The following HBS1L variants were observed in gnomAD, a reference collection of about 807,000 sequenced individuals.
The protein encoded by HBS1L is HBS1-like protein.
Under a neutral mutation model 88.9 loss-of-function variants are expected in HBS1L, and 55 were observed. That is an observed-to-expected ratio of 0.62 (90% confidence interval 0.50 to 0.77). HBS1L has a LOEUF of 0.77. HBS1L is among the 30% of genes least tolerant of loss of function. HBS1L has a pLI of 0.00. For synonymous variants in HBS1L, 267 were observed against 288.5 expected (o/e 0.93, Z 0.76); for missense variants, 741 against 829.3 (o/e 0.89, Z 1.31).
At chr6:134,997,039 G>A (rs1204184593) in intron 6 of HBS1L, 97 bp from the exon 7 acceptor site, 1 of 890,594 alleles carries the variant, frequency 1.1e-6, no homozygotes, top group Non-Finnish European at 1.7e-6. Context: ...CATGTCAGTG[G>A]TTTACAGTAA....
At chr6:135,017,806 A>G (rs1775963450) in intron 4 of HBS1L, among the ~76,000 whole-genome samples, 1 of 152,022 alleles carries the variant, frequency 6.6e-6, no homozygotes, top group Non-Finnish European at 1.5e-5. Context: ...TTACTCTGAC[A>G]TTGTGAAAAG....
chr6:134,997,636 C>T lies in HBS1L; in HGVS notation c.560G>A (p.Gly187Asp). ...EVPGVSSEEN[G>D]HSFHTPQKGP... ...TTTTTGAGGTGTGTGGAAACTATGA[C>T]CATTTTCTTCAGAAGATACTCTACA... The change falls in exon 6 of 18, where the codon GGT becomes GAT. Residue 187 changes from glycine to aspartate, a missense_variant. By Grantham distance (94) the Gly-to-Asp change is moderately conservative. Coordinates refer to ENST00000367837, the MANE Select transcript of HBS1L (RefSeq NM_006620.4). 6.2e-7 allele frequency: 1 copy of T among 1,613,862 alleles called. No individual in the cohort carries two copies. The highest frequency in any genetic ancestry group is 1.1e-5 in the South Asian group (1 of 91,072).
intron 6 of HBS1L, 96 bp from the exon 7 acceptor site, chr6:134,997,038 G>A: frequency 2.2e-6 from 2 of 892,326 alleles, no homozygotes; most frequent in Non-Finnish European, 3.4e-6. Context: ...TCATGTCAGT[G>A]GTTTACAGTA....
At chr6:134,979,122 T>C in intron 14 of HBS1L, 56 bp downstream of exon 14, 5 of 1,259,240 alleles carry the variant, frequency 4.0e-6, no homozygotes, top group Non-Finnish European at 5.8e-6. Flanking sequence ...TATATGTGTT[T>C]AGAGGTGAGG....
chr6:134,985,172 T>C (rs916093709), intron 12 of HBS1L, among the ~76,000 whole-genome samples, 169 bp downstream of exon 12: 4 of 152,054 alleles, frequency 2.6e-5, no homozygotes, highest in Non-Finnish European at 4.4e-5. Flanking sequence ...GGAAGCTAAG[T>C]GACTAAATCT....
At chr6:134,973,196 T>C (rs769983058) in intron 15 of HBS1L, among the ~76,000 whole-genome samples, 11 of 152,214 alleles carry the variant, frequency 7.2e-5, no homozygotes, top group Non-Finnish European at 1.3e-4. Context: ...ATAACCCAAA[T>C]GTGCATCAAC....
At position 134,993,879 on chromosome 6, in the gene HBS1L, A is replaced by T; in HGVS notation, c.966-4T>A. ...ACCAACATCCATGGTTACTCCCCTT[A>T]AACAAAACATAACATGGTTAGAATG... On this transcript the variant is annotated splice_polypyrimidine_tract_variant and splice_region_variant and intron_variant, in intron 7 of 17. Transcript: ENST00000367837. 1 of 1,417,750 alleles carries T rather than the reference A, an allele frequency of 7.1e-7. No individual in the cohort carries two copies. The highest frequency in any genetic ancestry group is 9.9e-7 in the Non-Finnish European group (1 of 1,009,160). 87.8% of individuals were successfully genotyped at this position (1,417,750 alleles called of 1,614,324 possible).
chr6:135,044,384 A>G (rs940400480), intron 2 of HBS1L, among the ~76,000 whole-genome samples: 1 of 152,124 alleles, frequency 6.6e-6, no homozygotes, highest in Admixed American at 6.5e-5. Context: ...TATGTTGTGT[A>G]TGTATGTATG....
At chr6:134,983,325 G>A (rs1462302456) in intron 12 of HBS1L, 1 of 152,150 alleles carries the variant, frequency 6.6e-6, no homozygotes, top group Non-Finnish European at 1.5e-5. Flanking sequence ...GACCGGAGAA[G>A]TAAGGTGATG....
chr6:134,971,019 T>A (rs1431005537), intron 15 of HBS1L, among the ~76,000 whole-genome samples: 1 of 152,008 alleles, frequency 6.6e-6, no homozygotes, highest in African/African-American at 2.4e-5. Flanking sequence ...CAAAATAGTT[T>A]GCACATTCAG....
chr6:135,018,787 C>A (rs1775993170), intron 4 of HBS1L, among the ~76,000 whole-genome samples: 1 of 151,706 alleles, frequency 6.6e-6, no homozygotes, highest in Non-Finnish European at 1.5e-5. Flanking sequence ...AGGAAAAAAA[C>A]CCACACTAAA....
At chr6:135,007,654 G>A (rs6929661) in intron 4 of HBS1L, among the ~76,000 whole-genome samples, 70,943 of 151,904 alleles carry the variant, frequency 0.47, 16,881 homozygotes, top group South Asian at 0.56. Context: ...AAACTCTACT[G>A]ACATAAGTCA....
intron 4 of HBS1L, 41 bp downstream of exon 4, chr6:135,039,532 A>G (rs1424058137): frequency 6.6e-6 from 10 of 1,514,276 alleles, no homozygotes; most frequent in Non-Finnish European, 9.1e-6. Flanking sequence ...TTTAGGCATT[A>G]ACTATGTAAA....
intron 8 of HBS1L, 129 bp from the exon 9 acceptor site, chr6:134,987,920 CAAACA>C (rs925969457): frequency 1.6e-6 from 1 of 634,968 alleles, no homozygotes; most frequent in African/African-American, 1.9e-5. Context: ...CAAAGCAAAT[CAAACA>C]AAAGACTCCC....
At position 135,035,269 on chromosome 6, in the gene HBS1L, G is replaced by C. The variant is rs141759411; in HGVS notation, c.430+4304C>G. On this transcript the variant is annotated intron_variant, in intron 4 of 17. Transcript: ENST00000367837. ...GATCAAGACTATCCTGGCCAACATG[G>C]TGAAACCCCGTCTCTACTAAAAATA... 9.1e-4 allele frequency among the ~76,000 whole-genome samples: 138 copies of C among 152,160 alleles called. 1 individual carries two copies. Among genetic ancestry groups the C allele is most frequent in the African/African-American group, 3.2e-3 (134 of 41,500 alleles).
At chr6:135,045,383 A>T (rs1776881418) in intron 2 of HBS1L, among the ~76,000 whole-genome samples, 1 of 152,238 alleles carries the variant, frequency 6.6e-6, no homozygotes, top group African/African-American at 2.4e-5. Flanking sequence ...AAGTGCAAAG[A>T]ATTCAAAACC....
intron 1 of HBS1L, among the ~76,000 whole-genome samples, chr6:135,051,002 T>G (rs937345679): frequency 2.0e-5 from 3 of 152,022 alleles, no homozygotes; most frequent in African/African-American, 7.2e-5. Flanking sequence ...CCGAGGTAGG[T>G]GGATCATGAG....
chr6:135,036,554 G>C (rs1179077274), intron 4 of HBS1L: 7 of 1,457,634 alleles, frequency 4.8e-6, no homozygotes, highest in Non-Finnish European at 5.4e-6. Context: ...TTTTCCTTTT[G>C]TTACTATTCT....
At chr6:135,025,068 A>G (rs942101034) in intron 4 of HBS1L, among the ~76,000 whole-genome samples, 2 of 152,206 alleles carry the variant, frequency 1.3e-5, no homozygotes, top group African/African-American at 2.4e-5. Flanking sequence ...GGGGTATCTA[A>G]TCTAACAAGT....
Sources: allele counts gnomAD v4.1 joint callset (sites outside exome capture counted in the v4.1 genomes callset), GRCh38; gene constraint gnomAD v4.1.1; transcripts MANE v1.5; gene names NCBI Gene and HGNC (gene_info 2026-07-23, HGNC 2026-07-21).